The following APBA1 variants were observed in gnomAD, a reference collection of about 807,000 sequenced individuals.
APBA1 encodes the protein amyloid beta precursor protein binding family A member 1, also known as amyloid-beta A4 precursor protein-binding family A member 1.
In APBA1, 55 loss-of-function variants were observed where a neutral mutation model predicts 86.6. The observed-to-expected ratio is 0.64, with a 90% CI of 0.51 to 0.80. The LOEUF (loss-of-function observed/expected upper bound fraction) is 0.80. Ranked by LOEUF, APBA1 falls within the 30% of genes least tolerant of loss-of-function variation. The pLI, the probability that APBA1 is intolerant of heterozygous loss-of-function variation, is 0.00. For missense variants in APBA1, 1,090 were observed against 1,183.0 expected, an observed-to-expected ratio of 0.92 and a Z score of 1.15; for synonymous variants, 511 against 493.9, an observed-to-expected ratio of 1.03 and a Z score of -0.46.
At chr9:69,539,374 A>C (rs1836562292) in intron 1 of APBA1, among the ~76,000 whole-genome samples, 1 of 152,218 alleles carries the variant, frequency 6.6e-6, no homozygotes, top group Non-Finnish European at 1.5e-5. Context: ...TTCTTCTTCC[A>C]GTTGCTCAGA....
intron 1 of APBA1, among the ~76,000 whole-genome samples, chr9:69,541,547 ATT>A (rs11461593): frequency 0.019 from 2,753 of 142,084 alleles, 32 homozygotes; most frequent in Admixed American, 0.037. Context: ...TCTTTTTTGC[ATT>A]TTTTTTTTTT....
At chr9:69,553,657 T>C (rs563543520) in intron 1 of APBA1, among the ~76,000 whole-genome samples, 39 of 152,326 alleles carry the variant, frequency 2.6e-4, no homozygotes, top group African/African-American at 7.9e-4. Flanking sequence ...CGGACACTGT[T>C]TTTGACAGAT....
chr9:69,660,440 C>A (rs1272319241), intron 1 of APBA1, among the ~76,000 whole-genome samples: 1 of 152,190 alleles, frequency 6.6e-6, no homozygotes, highest in Non-Finnish European at 1.5e-5. Context: ...CCCAAGGGAG[C>A]AAAGCTAAAC....
At chr9:69,641,258 T>G (rs1349179800) in intron 1 of APBA1, among the ~76,000 whole-genome samples, 2 of 152,020 alleles carry the variant, frequency 1.3e-5, no homozygotes, top group African/African-American at 2.4e-5. Context: ...TTAAGGAAGA[T>G]CTAAAGAAAT....
chr9:69,645,915 C>A (rs1262318815), intron 1 of APBA1, among the ~76,000 whole-genome samples: 1 of 152,200 alleles, frequency 6.6e-6, no homozygotes, highest in Admixed American at 6.5e-5. Flanking sequence ...CACGTCTCTG[C>A]TTAGCCAGAG....
chr9:69,469,374 C>T (rs1234632), intron 4 of APBA1, among the ~76,000 whole-genome samples: 28,873 of 152,152 alleles, frequency 0.19, 2,859 homozygotes, highest in South Asian at 0.31. Flanking sequence ...TGCTGAACTA[C>T]TTATCAGAGT....
chr9:69,442,452 C>T (rs887512162), intron 10 of APBA1, among the ~76,000 whole-genome samples: 4 of 152,186 alleles, frequency 2.6e-5, no homozygotes, highest in African/African-American at 9.7e-5. Context: ...GCCCACTACT[C>T]CAAAGGGAAC....
At chr9:69,648,880 C>T (rs1823440979) in intron 1 of APBA1, among the ~76,000 whole-genome samples, 1 of 152,210 alleles carries the variant, frequency 6.6e-6, no homozygotes, top group African/African-American at 2.4e-5. Flanking sequence ...GTCTCACAGA[C>T]ACCTTAAAGT....
chr9:69,670,009 T>C (rs796650892), intron 1 of APBA1, among the ~76,000 whole-genome samples: 6 of 152,332 alleles, frequency 3.9e-5, no homozygotes, highest in African/African-American at 9.6e-5. Context: ...TTAAATTCCC[T>C]AAGTACTTTT....
chr9:69,503,951 A>C (rs1353938345), intron 2 of APBA1, among the ~76,000 whole-genome samples: 2 of 152,082 alleles, frequency 1.3e-5, no homozygotes, highest in Admixed American at 1.3e-4. Flanking sequence ...AAGAAGAGCA[A>C]TCCTCTGGTA....
chr9:69,654,087 C>T (rs57337824), intron 1 of APBA1, among the ~76,000 whole-genome samples: 10,965 of 133,466 alleles, frequency 0.082, 489 homozygotes, highest in Middle Eastern at 0.15. Flanking sequence ...ACTCCAGCCT[C>T]GGCAACGAGA....
At chr9:69,622,574 G>C (rs959954044) in intron 1 of APBA1, among the ~76,000 whole-genome samples, 3 of 63,716 alleles carry the variant, frequency 4.7e-5, no homozygotes, top group Non-Finnish European at 1.1e-4. Flanking sequence ...TAGAGACCAA[G>C]TCATAAGAAA....
intron 1 of APBA1, among the ~76,000 whole-genome samples, chr9:69,548,995 C>G (rs1479455128): frequency 6.6e-6 from 1 of 152,190 alleles, no homozygotes; most frequent in Non-Finnish European, 1.5e-5. Context: ...AGAGTAAGAG[C>G]AAAGGCCGGG....
At chr9:69,456,095 C>T (rs1835091393) in intron 8 of APBA1, 152 bp downstream of exon 8, 3 of 868,178 alleles carry the variant, frequency 3.5e-6, no homozygotes, top group African/African-American at 3.4e-5. Flanking sequence ...GTCTGTTTTA[C>T]TCAGCCTTAT....
intron 1 of APBA1, among the ~76,000 whole-genome samples, chr9:69,540,494 AC>A (rs1301438115): frequency 6.6e-6 from 1 of 152,150 alleles, no homozygotes; most frequent in African/African-American, 2.4e-5. Context: ...ATCTTGCACA[AC>A]CAAAACTTTA....
chr9:69,562,094 T>C (rs1836955412), intron 1 of APBA1, among the ~76,000 whole-genome samples: 2 of 152,180 alleles, frequency 1.3e-5, no homozygotes, highest in Admixed American at 1.3e-4. Flanking sequence ...ACTCTCAAAG[T>C]AGGCCTAATA....
rs561226302 is a variant in APBA1, at chr9:69,521,579, A to G, written c.-69-4300T>C. On this transcript the variant is annotated intron_variant, in intron 1 of 12. Coordinates refer to ENST00000265381, the MANE Select transcript of APBA1 (RefSeq NM_001163.4). ...AAAAAAGGGCAGACAATAATTATGT[A>G]AGTAAGTAAACAAGATAACTTCATA... 7.2e-5 allele frequency among the ~76,000 whole-genome samples: 11 copies of G among 152,336 alleles called. No individual in the cohort carries two copies. In the South Asian group the frequency reaches 2.3e-3, roughly 32 times the overall value.
At chr9:69,485,417 A>G (rs1835591346) in intron 2 of APBA1, among the ~76,000 whole-genome samples, 1 of 152,174 alleles carries the variant, frequency 6.6e-6, no homozygotes, top group Non-Finnish European at 1.5e-5. Context: ...AAATGGAGGA[A>G]AAAAACAGAA....
chr9:69,603,904 C>G (rs1163162164), intron 1 of APBA1, among the ~76,000 whole-genome samples: 2 of 152,184 alleles, frequency 1.3e-5, no homozygotes, highest in Non-Finnish European at 2.9e-5. Context: ...CCTCTTCAGT[C>G]TGCCCCAGAT....
Sources: gnomAD v4.1 joint callset for allele counts (sites outside exome capture counted in the v4.1 genomes callset) on GRCh38, gnomAD v4.1.1 for gene constraint, MANE v1.5 for transcripts, NCBI Gene and HGNC (gene_info 2026-07-23, HGNC 2026-07-21) for gene names.